CLEC1B: variants seen among roughly 807,000 people sequenced by gnomAD.
The protein encoded by CLEC1B is C-type lectin domain family 1 member B.
CLEC1B carries 26 observed loss-of-function variants against 26.7 expected under a neutral mutation model. That is an observed-to-expected ratio of 0.97 (90% confidence interval 0.71 to 1.35). The LOEUF (loss-of-function observed/expected upper bound fraction) is 1.35, where lower values mean the gene tolerates loss of function less well. Ranked by LOEUF, CLEC1B falls within the 40% of genes most tolerant of loss-of-function variation. The probability of loss-of-function intolerance (pLI) is 0.00; values close to 1 mark genes in which losing one functional copy is unlikely to be tolerated. For synonymous variants in CLEC1B, 112 were observed against 96.0 expected (o/e 1.17, Z -0.97); for missense variants, 293 against 282.6 (o/e 1.04, Z -0.26).
intron 2 of CLEC1B, 72 bp downstream of exon 2, chr12:9,998,210 C>T (rs1399532036): frequency 9.7e-6 from 11 of 1,132,700 alleles, no homozygotes; most frequent in Non-Finnish European, 1.5e-5. Context: ...CATTGAGAAG[C>T]TTAGTGGGAT....
chr12:9,996,899 A>G lies in CLEC1B; in HGVS notation c.385T>C (p.Tyr129His). 6.2e-7 allele frequency: 1 copy of G among 1,613,970 alleles called. No individual in the cohort carries two copies. The highest frequency in any genetic ancestry group is 8.5e-7 in the Non-Finnish European group (1 of 1,179,872). The change falls in exon 4 of 6, where the codon TAC becomes CAC. Residue 129 changes from tyrosine to histidine, a missense_variant. Transcript: ENST00000298527. ...HNLTWEESKQ[Y>H]CTDMNATLLK... ...AGAGTAGCATTCATGTCAGTGCAGT[A>G]CTGCTTACTCTCTTCCCATGTTAAG...
intron 5 of CLEC1B, among the ~76,000 whole-genome samples, chr12:9,994,359 T>A (rs1390962737): frequency 6.6e-6 from 1 of 152,194 alleles, no homozygotes; most frequent in Non-Finnish European, 1.5e-5. Flanking sequence ...TTGCTTGTAG[T>A]TGTAGTATCC....
At position 9,997,244 on chromosome 12, in the gene CLEC1B, C is replaced by T; in HGVS notation, c.199G>A (p.Glu67Lys). 1 of 1,613,444 alleles carries T rather than the reference C, an allele frequency of 6.2e-7. No homozygotes were observed. The highest frequency in any genetic ancestry group is 8.5e-7 in the Non-Finnish European group (1 of 1,179,576). The change falls in exon 3 of 6, where the codon GAA (glutamate) becomes AAA (lysine). Residue 67 changes from glutamate to lysine, a missense_variant. Physicochemically the swap from Glu to Lys is moderately conservative, Grantham distance 56 (BLOSUM62 1). Transcript: ENST00000298527. ...TGTTGCAGAGTTCCTGTGCGATTTT[C>T]ATTCTCACCTTGTAGGTAATTGCGC... The part of the protein sequence containing the change: ...MQRNYLQGEN[E>K]NRTGTLQQLA...
rs550256768 is a variant in CLEC1B, at chr12:9,996,785, G to T, written c.438+61C>A. The T allele has an allele frequency of 8.6e-4, 1,322 of 1,545,146 alleles. 1 individual carries two copies. Among genetic ancestry groups the T allele is most frequent in the Non-Finnish European group, 1.1e-3 (1,229 of 1,119,078 alleles). ...AATGTAAAAAACAAAAAAAGGTCAA[G>T]TGTTACATTTGAGGTTTCTCTTCCT... On this transcript the variant is annotated intron_variant, in intron 4 of 5. Coordinates refer to ENST00000298527, the MANE Select transcript of CLEC1B (RefSeq NM_016509.4).
At chr12:9,993,343 T>TCAAACTACTATACA in intron 5 of CLEC1B, 56 bp from the exon 6 acceptor site, 1 of 1,424,474 alleles carries the variant, frequency 7.0e-7, no homozygotes, top group Non-Finnish European at 9.7e-7. Context: ...CAATCAGTAA[T>TCAAACTACTATACA]CAGACTCTGC....
At chr12:10,000,373 T>C (rs1223269068), upstream of CLEC1B, among the ~76,000 whole-genome samples, 1 of 152,210 alleles carries the variant, frequency 6.6e-6, no homozygotes, top group Non-Finnish European at 1.5e-5. Flanking sequence ...TTTCTTTCTC[T>C]ATACTCTTCA....
At chr12:9,998,248 C>G in intron 2 of CLEC1B, 34 bp downstream of exon 2, 2 of 1,541,520 alleles carry the variant, frequency 1.3e-6, no homozygotes, top group Non-Finnish European at 1.8e-6. Context: ...TATTACCTTC[C>G]TCCAGTCAAA....
In CLEC1B at chr12:9,996,951, A is replaced by G. The variant is rs2137241612; in HGVS notation, c.333T>C (p.Asp111=). 1.9e-6 allele frequency: 3 copies of G among 1,614,108 alleles called. No homozygotes were observed. The highest frequency in any genetic ancestry group is 2.2e-5 in the South Asian group (2 of 91,078). ...TGTGCCTGAAGAACCCATAGCAGCT[A>G]TCTCCATAATATCTCCAGTTTGTGT... The part of the protein sequence containing the change: ...PCDTNWRYYG[D]SCYGFFRHNL... Residue 111 remains aspartate, a synonymous_variant, in exon 4 of 6, where the codon GAT becomes GAC. Coordinates refer to ENST00000298527, the MANE Select transcript of CLEC1B (RefSeq NM_016509.4).
chr12:9,997,362 C>A, intron 2 of CLEC1B, 83 bp from the exon 3 acceptor site: 1 of 1,296,402 alleles, frequency 7.7e-7, no homozygotes, highest in Non-Finnish European at 1.1e-6. Context: ...TTTTCATTTC[C>A]TTAACTTTGC....
Position 9,996,921 on chromosome 12 carries a change from T to G in CLEC1B, c.363A>C (p.Leu121Phe), listed in dbSNP as rs757185250. The G allele has an allele frequency of 6.2e-7, 1 of 1,614,152 alleles. No individual in the cohort carries two copies. The highest frequency in any genetic ancestry group is 1.1e-5 in the South Asian group (1 of 91,082). Residue 121 changes from leucine to phenylalanine, a missense_variant, in exon 4 of 6, where the codon TTA (leucine) becomes TTC (phenylalanine). Coordinates refer to ENST00000298527, the MANE Select transcript of CLEC1B (RefSeq NM_016509.4). ...DSCYGFFRHN[L>F]TWEESKQYCT... ...AGTACTGCTTACTCTCTTCCCATGT[T>G]AAGTTGTGCCTGAAGAACCCATAGC...
At chr12:10,000,820 T>C (rs1413562792), upstream of CLEC1B, among the ~76,000 whole-genome samples, 1 of 152,250 alleles carries the variant, frequency 6.6e-6, no homozygotes, top group African/African-American at 2.4e-5. Flanking sequence ...CATCAGCAAG[T>C]CCTGAGGCTA....
At chr12:9,997,410 T>G in intron 2 of CLEC1B, 131 bp from the exon 3 acceptor site, 2 of 776,258 alleles carry the variant, frequency 2.6e-6, no homozygotes, top group Admixed American at 5.7e-5. Flanking sequence ...CATGATTAAA[T>G]GAATGTTGAA....
intron 5 of CLEC1B, 186 bp downstream of exon 5, chr12:9,994,954 A>G: frequency 2.7e-6 from 4 of 1,455,444 alleles, no homozygotes; most frequent in Non-Finnish European, 3.7e-6. Context: ...TTAGATAAAG[A>G]GCAAAGTAAT....
intron 5 of CLEC1B, chr12:9,994,884 T>G: frequency 1.8e-5 from 14 of 790,180 alleles, no homozygotes; most frequent in Non-Finnish European, 2.2e-5. Flanking sequence ...CAGTGTTCCA[T>G]GGTAAGGTTG....
rs1865007304 is a variant in CLEC1B at position 9,995,128 on chromosome 12, C to T, written c.545+12G>A. ...CAGTACTCCCTCCTATTCTAAGTGTCCAGTGACTTACATATTTTCTGAGAT... is the reference window on the plus strand; with the variant it reads ...CAGTACTCCCTCCTATTCTAAGTGTTCAGTGACTTACATATTTTCTGAGAT... On this transcript the variant is annotated intron_variant, in intron 5 of 5. Transcript: ENST00000298527. 2 of 1,610,966 alleles carry T rather than the reference C, an allele frequency of 1.2e-6. No individual in the cohort carries two copies. Among genetic ancestry groups the T allele is most frequent in the Non-Finnish European group, 1.7e-6 (2 of 1,177,438 alleles).
intron 4 of CLEC1B, 127 bp downstream of exon 4, chr12:9,996,719 C>T (rs1343861782): frequency 1.1e-6 from 1 of 934,764 alleles, no homozygotes. Flanking sequence ...CTAGGTTTCA[C>T]AAGGGTCTTA....
upstream of CLEC1B, among the ~76,000 whole-genome samples, chr12:10,000,229 T>C (rs943408688): frequency 1.3e-5 from 2 of 152,256 alleles, no homozygotes; most frequent in African/African-American, 2.4e-5. Context: ...AATATAGTGA[T>C]TATGTGGGCT....
Position 9,997,207 on chromosome 12 carries a change from C to T in CLEC1B, c.236G>A (p.Arg79His), listed in dbSNP as rs200797571. 285 of 1,613,912 alleles carry T rather than the reference C, an allele frequency of 1.8e-4. No individual in the cohort carries two copies. The highest frequency in any genetic ancestry group is 1.2e-3 in the African/African-American group (93 of 75,020). The change falls in exon 3 of 6, where the codon CGC becomes CAC. Residue 79 changes from arginine to histidine, a missense_variant. Coordinates refer to ENST00000298527, the MANE Select transcript of CLEC1B (RefSeq NM_016509.4). ...TTGTTTTACCACATATTGACAGAAG[C>T]GCTTTGCTAATTGTTGCAGAGTTCC... is the stretch of plus-strand genomic sequence containing the variant. ...RTGTLQQLAK[R>H]FCQYVVKQSE...
intron 2 of CLEC1B, 101 bp downstream of exon 2, chr12:9,998,181 T>TA: frequency 1.1e-6 from 1 of 871,702 alleles, no homozygotes; most frequent in Non-Finnish European, 1.9e-6. Context: ...GTAGAAGTGA[T>TA]AAACAGACAA....
Sources: allele counts gnomAD v4.1 joint callset (sites outside exome capture counted in the v4.1 genomes callset), GRCh38; gene constraint gnomAD v4.1.1; transcripts MANE v1.5; gene names NCBI Gene and HGNC (gene_info 2026-07-23, HGNC 2026-07-21).